Variants in ASAP1 observed in about 807,000 individuals in gnomAD.
The protein encoded by ASAP1 is arf-GAP with SH3 domain, ANK repeat and PH domain-containing protein 1.
Under a neutral mutation model 145.2 loss-of-function variants are expected in ASAP1, and 43 were observed. The observed-to-expected ratio is 0.30, with a 90% CI of 0.23 to 0.38. The LOEUF (loss-of-function observed/expected upper bound fraction) is 0.38. ASAP1 is among the 10% of genes least tolerant of loss of function. ASAP1 has a pLI of 1.00. For synonymous variants in ASAP1, 546 were observed against 515.5 expected (o/e 1.06, Z -0.80); for missense variants, 1,018 against 1,355.3 (o/e 0.75, Z 3.91).
intron 3 of ASAP1, among the ~76,000 whole-genome samples, chr8:130,273,992 G>A (rs921678103): frequency 1.3e-5 from 2 of 152,194 alleles, no homozygotes; most frequent in African/African-American, 4.8e-5. Context: ...AAAGAGACCT[G>A]AGTTCTAGCC....
chr8:130,066,570 CTTTT>C (rs199921596), intron 27 of ASAP1, among the ~76,000 whole-genome samples: 8 of 151,564 alleles, frequency 5.3e-5, no homozygotes, highest in East Asian at 3.9e-4. Context: ...TTCTTTCTTT[CTTTT>C]TTCTTTCTTT....
Position 130,072,793 on chromosome 8 carries a change from A to T in ASAP1, c.2701+3555T>A, listed in dbSNP as rs6992032. On this transcript the variant is annotated intron_variant, in intron 27 of 29. Transcript: ENST00000518721. ...CTGAAGGCCTGGACTTGCAATTGAT[A>T]TGTGTGTGTGTGTGTGTGTGTGTGT... Among the ~76,000 whole-genome samples the T allele has an allele frequency of 2.9e-5, 3 of 102,606 alleles. 1 individual carries two copies. The Admixed American group carries it at 2.9e-4, about 10-fold the overall frequency. 67.3% of individuals were successfully genotyped at this position (102,606 alleles called of 152,430 possible).
At chr8:130,184,161 CCATT>C (rs1170475531) in intron 7 of ASAP1, among the ~76,000 whole-genome samples, 1 of 152,160 alleles carries the variant, frequency 6.6e-6, no homozygotes, top group African/African-American at 2.4e-5. Context: ...TCCTATTCTA[CCATT>C]CAGATTAGCA....
At chr8:130,305,990 A>G (rs991364338) in intron 3 of ASAP1, among the ~76,000 whole-genome samples, 1 of 152,186 alleles carries the variant, frequency 6.6e-6, no homozygotes, top group African/African-American at 2.4e-5. Context: ...CCTTACTTAC[A>G]GTTCCAACAT....
chr8:130,160,958 G>T (rs2136022885), intron 11 of ASAP1, among the ~76,000 whole-genome samples: 1 of 152,278 alleles, frequency 6.6e-6, no homozygotes, highest in Admixed American at 6.5e-5. Context: ...TCTAGATTCA[G>T]GATAAACTTT....
At chr8:130,375,069 T>C (rs1181291363) in intron 2 of ASAP1, among the ~76,000 whole-genome samples, 1 of 152,184 alleles carries the variant, frequency 6.6e-6, no homozygotes, top group Non-Finnish European at 1.5e-5. Context: ...GGCTCCGGTT[T>C]CCTAACTGCT....
At chr8:130,332,712 C>A (rs969751236) in intron 3 of ASAP1, among the ~76,000 whole-genome samples, 2 of 152,150 alleles carry the variant, frequency 1.3e-5, no homozygotes, top group African/African-American at 4.8e-5. Context: ...TTTCTTTCTA[C>A]TTCTCTTATC....
At chr8:130,262,800 G>C (rs1299872374) in intron 3 of ASAP1, among the ~76,000 whole-genome samples, 1 of 152,120 alleles carries the variant, frequency 6.6e-6, no homozygotes, top group Admixed American at 6.5e-5. Flanking sequence ...TTCAGCAGAA[G>C]CATAAACACA....
chr8:130,193,722 T>C (rs1050731417), intron 5 of ASAP1, among the ~76,000 whole-genome samples: 2 of 152,228 alleles, frequency 1.3e-5, no homozygotes, highest in Non-Finnish European at 1.5e-5. Flanking sequence ...AGTACCTTGA[T>C]CTGAAAGGCT....
At chr8:130,428,019 C>T (rs545700889) in intron 1 of ASAP1, among the ~76,000 whole-genome samples, 1 of 152,288 alleles carries the variant, frequency 6.6e-6, no homozygotes, top group East Asian at 1.9e-4. Context: ...ACCTCTTCTC[C>T]AATCCTTCTC....
chr8:130,355,938 C>T (rs1313734422), intron 3 of ASAP1, among the ~76,000 whole-genome samples: 2 of 152,144 alleles, frequency 1.3e-5, no homozygotes, highest in African/African-American at 4.8e-5. Flanking sequence ...TGAAACATTG[C>T]TATATTTTTG....
At chr8:130,266,356 G>C (rs1012958024) in intron 3 of ASAP1, among the ~76,000 whole-genome samples, 3 of 152,150 alleles carry the variant, frequency 2.0e-5, no homozygotes, top group African/African-American at 7.2e-5. Flanking sequence ...TCAGGGATGA[G>C]GGGAATCATA....
intron 2 of ASAP1, among the ~76,000 whole-genome samples, chr8:130,371,261 T>C (rs969351927): frequency 6.6e-6 from 1 of 152,222 alleles, no homozygotes; most frequent in Admixed American, 6.5e-5. Context: ...GGTTAAGTGC[T>C]AGACCTAGGG....
Position 130,053,546 on chromosome 8 carries a change from TTATC to T in ASAP1, c.*1181_*1184del, listed in dbSNP as rs1379691711. 1.3e-5 allele frequency: 2 copies of T among 152,120 alleles called. No individual in the cohort carries two copies. The highest frequency in any genetic ancestry group is 2.9e-5 in the Non-Finnish European group (2 of 68,030). The allele number at this position is 152,120 out of a possible 1,614,324, so 9.4% of individuals were successfully genotyped here. A position where few individuals can be genotyped will look rare whatever the true frequency, so the allele number is the denominator to read the frequency against. On this transcript the variant is annotated 3_prime_UTR_variant, in exon 30 of 30. Transcript: ENST00000518721. The stretch of plus-strand genomic sequence containing the variant: ...TGGACAGAGCTTAAGACTGGAAAAA[TTATC>T]TATAATTGGGGTTTAACAAAGAGCA...
At chr8:130,261,495 C>T (rs1428540805) in intron 3 of ASAP1, among the ~76,000 whole-genome samples, 4 of 151,962 alleles carry the variant, frequency 2.6e-5, no homozygotes, top group Non-Finnish European at 4.4e-5. Flanking sequence ...TCGGAAAATA[C>T]GGGAATGGGG....
intron 27 of ASAP1, among the ~76,000 whole-genome samples, chr8:130,063,818 C>T (rs2097424476): frequency 6.6e-6 from 1 of 152,178 alleles, no homozygotes; most frequent in Non-Finnish European, 1.5e-5. Flanking sequence ...TGCCCAGCAC[C>T]CTTTCAGGCA....
At chr8:130,236,502 CCTCT>C (rs918321739) in intron 4 of ASAP1, among the ~76,000 whole-genome samples, 4 of 152,042 alleles carry the variant, frequency 2.6e-5, no homozygotes, top group African/African-American at 4.8e-5. Flanking sequence ...TTTGCCCCCT[CCTCT>C]CTAACTTTTT....
At chr8:130,287,860 G>A (rs914683719) in intron 3 of ASAP1, among the ~76,000 whole-genome samples, 1 of 152,130 alleles carries the variant, frequency 6.6e-6, no homozygotes, top group Admixed American at 6.5e-5. Flanking sequence ...CTAGCATATA[G>A]CAGAGACCCT....
At chr8:130,326,244 A>G (rs557310555) in intron 3 of ASAP1, among the ~76,000 whole-genome samples, 18 of 152,348 alleles carry the variant, frequency 1.2e-4, no homozygotes, top group South Asian at 6.2e-4. Flanking sequence ...GAGAAGTCCC[A>G]GCATGCTCAC....
Sources: allele counts gnomAD v4.1 joint callset (sites outside exome capture counted in the v4.1 genomes callset), GRCh38; gene constraint gnomAD v4.1.1; transcripts MANE v1.5; gene names NCBI Gene and HGNC (gene_info 2026-07-23, HGNC 2026-07-21).